B3GALT1: variants seen among roughly 807,000 people sequenced by gnomAD.
B3GALT1 encodes the protein beta-1,3-galactosyltransferase 1, also known as UDP-Gal:betaGlcNAc beta 1,3-galactosyltransferase, polypeptide 1.
In B3GALT1, 10 loss-of-function variants were observed where a neutral mutation model predicts 23.2. That is an observed-to-expected ratio of 0.43 (90% confidence interval 0.27 to 0.73). The LOEUF (loss-of-function observed/expected upper bound fraction) is 0.73. B3GALT1 is among the 30% of genes least tolerant of loss of function. The pLI is 0.21. For missense variants in B3GALT1, 299 were observed against 405.4 expected, an observed-to-expected ratio of 0.74 and a Z score of 2.25; for synonymous variants, 156 against 141.5, an observed-to-expected ratio of 1.10 and a Z score of -0.73.
intron 3 of B3GALT1, among the ~76,000 whole-genome samples, chr2:167,813,377 G>T (rs1688929786): frequency 6.6e-6 from 1 of 152,150 alleles, no homozygotes; most frequent in Admixed American, 6.5e-5. Flanking sequence ...TTATAGAAAT[G>T]TGGTAGCCGA....
At chr2:167,459,619 C>CA (rs1699226064) in intron 1 of B3GALT1, among the ~76,000 whole-genome samples, 1 of 152,108 alleles carries the variant, frequency 6.6e-6, no homozygotes, top group African/African-American at 2.4e-5. Flanking sequence ...ATGTGGAGAA[C>CA]AAAAAGTAGA....
intron 1 of B3GALT1, among the ~76,000 whole-genome samples, chr2:167,331,417 G>A (rs531338623): frequency 1.3e-5 from 2 of 152,300 alleles, no homozygotes; most frequent in South Asian, 4.1e-4. Context: ...CATGGCATGA[G>A]CAGTAGTGGT....
At chr2:167,634,673 A>C (rs1685516258) in intron 2 of B3GALT1, among the ~76,000 whole-genome samples, 1 of 152,130 alleles carries the variant, frequency 6.6e-6, no homozygotes, top group Non-Finnish European at 1.5e-5. Flanking sequence ...CCCTGAATAG[A>C]CCAATTACAA....
At chr2:167,740,575 T>C (rs1382678646) in intron 3 of B3GALT1, among the ~76,000 whole-genome samples, 1 of 152,214 alleles carries the variant, frequency 6.6e-6, no homozygotes, top group Non-Finnish European at 1.5e-5. Context: ...GGCAAATGCA[T>C]TATAGGAATG....
At chr2:167,405,653 C>A (rs1698263491) in intron 1 of B3GALT1, among the ~76,000 whole-genome samples, 1 of 152,010 alleles carries the variant, frequency 6.6e-6, no homozygotes, top group South Asian at 2.1e-4. Flanking sequence ...ATATTTGAAG[C>A]TATGGAATGA....
At chr2:167,488,075 G>A (rs981620273) in intron 1 of B3GALT1, among the ~76,000 whole-genome samples, 3 of 152,140 alleles carry the variant, frequency 2.0e-5, no homozygotes, top group African/African-American at 7.2e-5. Flanking sequence ...AATGAAATTT[G>A]ACTTTGAAAA....
chr2:167,836,613 A>C (rs1205476955), intron 4 of B3GALT1, among the ~76,000 whole-genome samples: 1 of 152,164 alleles, frequency 6.6e-6, no homozygotes, highest in Non-Finnish European at 1.5e-5. Context: ...GCAGGATATT[A>C]TCCAGGAGAA....
At chr2:167,755,316 G>T (rs927002493) in intron 3 of B3GALT1, among the ~76,000 whole-genome samples, 6 of 151,792 alleles carry the variant, frequency 4.0e-5, no homozygotes, top group Admixed American at 3.3e-4. Flanking sequence ...TTCTTTCCTG[G>T]ATTCAAGGAG....
Position 167,339,116 on chromosome 2 carries a change from G to A in B3GALT1, c.-511+45782G>A, listed in dbSNP as rs914087646. Among the ~76,000 whole-genome samples the A allele has an allele frequency of 4.6e-5, 7 of 152,180 alleles. No homozygotes were observed. The South Asian group carries it at 6.2e-4, about 14-fold the overall frequency. ...AATTCTCCTTTTATGTGTATACTCC[G>A]AAGTAATTCTTAGACATGTGGAAGA... On this transcript the variant is annotated intron_variant, in intron 1 of 4. Transcript: ENST00000392690.
intron 2 of B3GALT1, among the ~76,000 whole-genome samples, chr2:167,633,940 T>C (rs1452248236): frequency 6.6e-6 from 1 of 152,014 alleles, no homozygotes; most frequent in Non-Finnish European, 1.5e-5. Context: ...ATCACATAAT[T>C]GGAAGTAAAA....
intron 1 of B3GALT1, among the ~76,000 whole-genome samples, chr2:167,434,911 T>A (rs937761674): frequency 6.6e-6 from 1 of 152,016 alleles, no homozygotes; most frequent in Non-Finnish European, 1.5e-5. Flanking sequence ...AATCTCAAAG[T>A]GGAAATGTTG....
chr2:167,381,355 A>G (rs1175691949), intron 1 of B3GALT1, among the ~76,000 whole-genome samples: 1 of 152,160 alleles, frequency 6.6e-6, no homozygotes, highest in African/African-American at 2.4e-5. Context: ...GCTACTATGC[A>G]CCTGGACCTG....
At chr2:167,863,996 G>A (rs941209318) in intron 4 of B3GALT1, among the ~76,000 whole-genome samples, 2 of 119,036 alleles carry the variant, frequency 1.7e-5, no homozygotes, top group Non-Finnish European at 1.9e-5. Flanking sequence ...ATGTATGTGT[G>A]TGTGTGTGTG....
At chr2:167,499,186 A>G (rs1276483697) in intron 2 of B3GALT1, among the ~76,000 whole-genome samples, 1 of 152,172 alleles carries the variant, frequency 6.6e-6, no homozygotes, top group African/African-American at 2.4e-5. Flanking sequence ...TTGTTAGCAA[A>G]TGAAAAATTC....
At chr2:167,495,681 C>T (rs557970957) in intron 2 of B3GALT1, among the ~76,000 whole-genome samples, 1 of 152,214 alleles carries the variant, frequency 6.6e-6, no homozygotes, top group African/African-American at 2.4e-5. Context: ...ACCCCTTCCC[C>T]AGAGTCCCAG....
chr2:167,575,781 CA>C (rs755012836), intron 2 of B3GALT1, among the ~76,000 whole-genome samples: 13 of 151,682 alleles, frequency 8.6e-5, no homozygotes, highest in African/African-American at 1.2e-4. Flanking sequence ...CTTCCACATA[CA>C]AAGAACAAAA....
At chr2:167,825,455 T>C (rs576433888) in intron 4 of B3GALT1, among the ~76,000 whole-genome samples, 8 of 146,728 alleles carry the variant, frequency 5.5e-5, no homozygotes, top group African/African-American at 1.3e-4. Flanking sequence ...TGTGTGTGTG[T>C]GCGTGCACGT....
chr2:167,407,652 C>T (rs1188819682), intron 1 of B3GALT1, among the ~76,000 whole-genome samples: 2 of 151,730 alleles, frequency 1.3e-5, no homozygotes, highest in Admixed American at 6.6e-5. Flanking sequence ...AAAAAGGAGA[C>T]GTAACAACTG....
rs114016115 is a variant in B3GALT1 at position 167,614,157 on chromosome 2, G to A, written c.-409-32752G>A. 1.3e-3 allele frequency among the ~76,000 whole-genome samples: 192 copies of A among 151,504 alleles called. 1 individual carries two copies. Among genetic ancestry groups the A allele is most frequent in the African/African-American group, 4.4e-3 (184 of 41,426 alleles). On this transcript the variant is annotated intron_variant, in intron 2 of 4. Transcript: ENST00000392690. ...AATGTGTATGACACCTAAGGAAAAC[G>A]TAAGTAAATGAGCAAATAAATGCCT...
Sources: allele counts gnomAD v4.1 joint callset (sites outside exome capture counted in the v4.1 genomes callset), GRCh38; gene constraint gnomAD v4.1.1; transcripts MANE v1.5; gene names NCBI Gene and HGNC (gene_info 2026-07-23, HGNC 2026-07-21).